GAB1: variants seen among roughly 807,000 people sequenced by gnomAD.
GAB1 encodes GRB2-associated-binding protein 1.
GAB1 carries 19 observed loss-of-function variants against 66.5 expected under a neutral mutation model. The ratio of observed to expected loss-of-function variants is 0.29; its 90% CI spans 0.20 to 0.42. The LOEUF (loss-of-function observed/expected upper bound fraction) is 0.42, where lower values mean the gene tolerates loss of function less well. Among genes scored for constraint, GAB1 ranks in the 10% least tolerant of loss-of-function variants. The pLI is 1.00. For missense variants in GAB1, 732 were observed against 858.5 expected (o/e 0.85, Z 1.84); for synonymous variants, 294 against 301.4 (o/e 0.98, Z 0.25).
At chr4:143,463,167 T>G (rs548355803) in intron 8 of GAB1, among the ~76,000 whole-genome samples, 163 of 152,274 alleles carry the variant, frequency 1.1e-3, no homozygotes, top group African/African-American at 3.7e-3. Flanking sequence ...TTTAACAAAC[T>G]TCTTTAATTT....
chr4:143,357,783 C>G (rs1350127381), intron 1 of GAB1, among the ~76,000 whole-genome samples: 1 of 152,020 alleles, frequency 6.6e-6, no homozygotes, highest in Non-Finnish European at 1.5e-5. Context: ...GTAGTATTTC[C>G]AGGAAATGAT....
intron 6 of GAB1, among the ~76,000 whole-genome samples, chr4:143,446,527 C>T (rs1184821406): frequency 5.9e-5 from 9 of 151,858 alleles, no homozygotes; most frequent in African/African-American, 2.2e-4. Flanking sequence ...TTTTGATTTG[C>T]ATTTCTCTGA....
At chr4:143,467,856 C>T (rs1034012808) in intron 9 of GAB1, among the ~76,000 whole-genome samples, 1 of 152,138 alleles carries the variant, frequency 6.6e-6, no homozygotes, top group African/African-American at 2.4e-5. Context: ...GCCAACACCA[C>T]GTTTACCATT....
chr4:143,434,095 T>G (rs1455074213), intron 3 of GAB1: 1 of 1,294,250 alleles, frequency 7.7e-7, no homozygotes, highest in Admixed American at 2.3e-5. Context: ...CAGCCAAGGG[T>G]CATCTTTTGT....
chr4:143,357,525 G>A (rs778874284), intron 1 of GAB1, among the ~76,000 whole-genome samples: 5 of 152,060 alleles, frequency 3.3e-5, no homozygotes, highest in East Asian at 1.9e-4. Context: ...AAAATCACCA[G>A]GGAACTCTTT....
chr4:143,433,547 A>C lies in GAB1; in HGVS notation c.424A>C (p.Ile142Leu), dbSNP rs376330375. ...AGCACCAGCTGATTTACCTTTAGCT[A>C]TAAATACAGCACCACCATCCACCCA... ...LQAPADLPLA[I>L]NTAPPSTQAD... The change falls in exon 3 of 10, where the codon ATA (isoleucine) becomes CTA (leucine). Residue 142 changes from isoleucine to leucine, a missense_variant. Coordinates refer to ENST00000262994, the MANE Select transcript of GAB1 (RefSeq NM_002039.4). The C allele has an allele frequency of 1.2e-5, 19 of 1,613,906 alleles. No homozygotes were observed. In the African/African-American group the frequency reaches 2.5e-4, roughly 22 times the overall value.
At chr4:143,408,238 T>G (rs1732170509) in intron 1 of GAB1, among the ~76,000 whole-genome samples, 3 of 152,216 alleles carry the variant, frequency 2.0e-5, no homozygotes. Flanking sequence ...ACACATAAAC[T>G]TTTTGTTTTG....
intron 2 of GAB1, among the ~76,000 whole-genome samples, chr4:143,423,356 C>T (rs1379785409): frequency 2.0e-5 from 3 of 152,056 alleles, no homozygotes; most frequent in Admixed American, 2.0e-4. Flanking sequence ...CATGATCTTG[C>T]TAGCAAACAT....
chr4:143,406,962 G>C (rs1256913232), intron 1 of GAB1, among the ~76,000 whole-genome samples: 3 of 152,314 alleles, frequency 2.0e-5, no homozygotes, highest in Middle Eastern at 3.4e-3. Flanking sequence ...ATACAGCCAT[G>C]AGGTGACATA....
chr4:143,458,850 C>A (rs1209437962), intron 6 of GAB1, among the ~76,000 whole-genome samples: 2 of 151,892 alleles, frequency 1.3e-5, no homozygotes, highest in Non-Finnish European at 2.9e-5. Flanking sequence ...TGTTTCCAGA[C>A]TGTGCATGAA....
intron 6 of GAB1, among the ~76,000 whole-genome samples, chr4:143,453,369 C>T (rs1735021823): frequency 6.6e-6 from 1 of 151,840 alleles, no homozygotes; most frequent in Non-Finnish European, 1.5e-5. Context: ...TTTTAGTACC[C>T]ACCCCAGAAA....
At chr4:143,456,910 T>C (rs1230146645) in intron 6 of GAB1, among the ~76,000 whole-genome samples, 1 of 152,248 alleles carries the variant, frequency 6.6e-6, no homozygotes, top group Non-Finnish European at 1.5e-5. Context: ...TTTTCAGCAG[T>C]GCTTTTATGT....
chr4:143,440,586 A>G (rs1054220171), intron 6 of GAB1, among the ~76,000 whole-genome samples: 1 of 152,226 alleles, frequency 6.6e-6, no homozygotes, highest in African/African-American at 2.4e-5. Flanking sequence ...GGTGATATTT[A>G]TAAGTCTCCT....
intron 1 of GAB1, among the ~76,000 whole-genome samples, chr4:143,404,813 TA>T (rs750243830): frequency 4.3e-4 from 65 of 152,312 alleles, no homozygotes; most frequent in Admixed American, 1.1e-3. Context: ...TGGCTAAATT[TA>T]AATTAAATAA....
intron 9 of GAB1, among the ~76,000 whole-genome samples, chr4:143,466,824 G>A (rs1735817302): frequency 6.6e-6 from 1 of 152,004 alleles, no homozygotes; most frequent in Admixed American, 6.6e-5. Context: ...AACCAGTCTA[G>A]TGTCTTTACT....
At chr4:143,350,784 G>A (rs560536486) in intron 1 of GAB1, among the ~76,000 whole-genome samples, 129 of 152,072 alleles carry the variant, frequency 8.5e-4, no homozygotes, top group African/African-American at 3.1e-3. Flanking sequence ...ATGTATTTAG[G>A]AGCAAAAATT....
chr4:143,402,694 G>A (rs1451585184), intron 1 of GAB1, among the ~76,000 whole-genome samples: 4 of 152,124 alleles, frequency 2.6e-5, no homozygotes, highest in Admixed American at 6.5e-5. Flanking sequence ...ACCTTTCCCT[G>A]TTCTACCCTT....
At chr4:143,444,734 C>G (rs550040004) in intron 6 of GAB1, among the ~76,000 whole-genome samples, 1 of 152,188 alleles carries the variant, frequency 6.6e-6, no homozygotes, top group Admixed American at 6.5e-5. Context: ...ACATAGCACC[C>G]AATCGTTAGT....
chr4:143,443,251 C>T (rs1301541325), intron 6 of GAB1, among the ~76,000 whole-genome samples: 1 of 151,978 alleles, frequency 6.6e-6, no homozygotes, highest in East Asian at 1.9e-4. Flanking sequence ...CTCCTGACCT[C>T]GGGATCTACC....
Sources: allele counts gnomAD v4.1 joint callset (sites outside exome capture counted in the v4.1 genomes callset), GRCh38; gene constraint gnomAD v4.1.1; transcripts MANE v1.5; gene names NCBI Gene and HGNC (gene_info 2026-07-23, HGNC 2026-07-21).